Variants in ALB observed in about 807,000 individuals in gnomAD.
ALB encodes serum albumin.
A neutral mutation model predicts 74.5 loss-of-function variants in ALB; 37 were observed. That is an observed-to-expected ratio of 0.50 (90% CI 0.38 to 0.65). The LOEUF (loss-of-function observed/expected upper bound fraction) is 0.65, where lower values mean the gene tolerates loss of function less well. ALB is among the 30% of genes least tolerant of loss of function. The pLI, the probability that ALB is intolerant of heterozygous loss-of-function variation, is 0.00. For synonymous variants in ALB, 249 were observed against 251.6 expected (o/e 0.99, Z 0.10); for missense variants, 685 against 718.7 (o/e 0.95, Z 0.54).
intron 7 of ALB, 143 bp downstream of exon 7, chr4:73,412,268 C>A (rs1718897376): frequency 2.9e-6 from 3 of 1,038,356 alleles, no homozygotes; most frequent in Non-Finnish European, 4.4e-6. Flanking sequence ...TCTTTCCCTG[C>A]CTATGGTGGT....
intron 11 of ALB, 100 bp downstream of exon 11, chr4:73,417,769 GTGTGCATGTT>G: frequency 8.6e-7 from 1 of 1,160,840 alleles, no homozygotes; most frequent in Non-Finnish European, 1.2e-6. Context: ...TAATGTGTGT[GTGTGCATGTT>G]TGTGTGCATG....
At chr4:73,419,874 G>A (rs1719103524) in intron 13 of ALB, among the ~76,000 whole-genome samples, 1 of 152,076 alleles carries the variant, frequency 6.6e-6, no homozygotes, top group Admixed American at 6.6e-5. Flanking sequence ...AATTTGTGAT[G>A]CTTATGAATA....
intron 9 of ALB, among the ~76,000 whole-genome samples, chr4:73,415,637 C>T (rs1718995215): frequency 6.6e-6 from 1 of 152,028 alleles, no homozygotes; most frequent in African/African-American, 2.4e-5. Flanking sequence ...GAAATCTGTT[C>T]TGGAGGATTT....
rs1263892388 is a variant in ALB, at chr4:73,417,659, C to A, written c.1418C>A (p.Ala473Glu). 3.1e-6 allele frequency: 5 copies of A among 1,611,870 alleles called. No homozygotes were observed. The highest frequency in any genetic ancestry group is 1.6e-4 in the Middle Eastern group (1 of 6,076). Residue 473 changes from alanine (A) to glutamate (E), a missense_variant, in exon 11 of 15, where the codon GCA becomes GAA. By Grantham distance (107) the Ala-to-Glu change is moderately radical. Coordinates refer to ENST00000295897, the MANE Select transcript of ALB (RefSeq NM_000477.7). Reference sequence around the variant, plus strand: ...CCTGAAGCAAAAAGAATGCCCTGTGCAGAAGACTATGTGAGTCTTTAAAAA... The same window carrying A: ...CCTGAAGCAAAAAGAATGCCCTGTGAAGAAGACTATGTGAGTCTTTAAAAA... The part of the protein sequence containing the change: ...KHPEAKRMPC[A>E]EDYLSVVLNQ...
rs760853287 is a variant in ALB at position 73,416,248 on chromosome 4, T to C, written c.1192-8T>C. ...TAATACTATTAACACAATTCTTTTA[T>C]GTTTCAGTTCGATGAATTTAAACCT... On this transcript the variant is annotated splice_polypyrimidine_tract_variant and splice_region_variant and intron_variant, in intron 9 of 14. Coordinates refer to ENST00000295897, the MANE Select transcript of ALB (RefSeq NM_000477.7). 7 of 1,610,050 alleles carry C rather than the reference T, an allele frequency of 4.3e-6. No homozygotes were observed. The highest frequency in any genetic ancestry group is 1.7e-5 in the Admixed American group (1 of 59,934).
intron 11 of ALB, 110 bp from the exon 12 acceptor site, chr4:73,417,978 A>G (rs1416773922): frequency 9.8e-7 from 1 of 1,021,498 alleles, no homozygotes; most frequent in South Asian, 1.4e-5. Flanking sequence ...CCTCCCAAGT[A>G]GCTGGGACTA....
intron 12 of ALB, 154 bp from the exon 13 acceptor site, chr4:73,419,352 AT>A: frequency 1.3e-6 from 1 of 742,754 alleles, no homozygotes; most frequent in South Asian, 1.9e-5. Context: ...ATTGAGACTT[AT>A]AGCGGTATGC....
chr4:73,406,516 G>A (rs980562151), intron 2 of ALB, 113 bp from the exon 3 acceptor site: 15 of 1,036,850 alleles, frequency 1.4e-5, no homozygotes, highest in Non-Finnish European at 2.2e-5. Context: ...TAATGGTGAA[G>A]AAGATGTATA....
chr4:73,413,114 A>T (rs1032211109), intron 7 of ALB: 9 of 307,286 alleles, frequency 2.9e-5, no homozygotes, highest in African/African-American at 1.7e-4. Flanking sequence ...ATTTTGGGGG[A>T]TTATTTGGAA....
At position 73,404,384 on chromosome 4, in the gene ALB, G is replaced by T. The variant is rs978356536; in HGVS notation, c.57G>T (p.Arg19Ser). Residue 19 changes from arginine (R) to serine (S), a missense_variant, in exon 1 of 15, where the codon AGG becomes AGT. Coordinates refer to ENST00000295897, the MANE Select transcript of ALB (RefSeq NM_000477.7). ...TTCTCTTTAGCTCGGCTTATTCCAG[G>T]GGTGTGTTTCGTCGAGATGCACGTA... Reference protein sequence around the residue: ...LLFLFSSAYSRGVFRRDAHKS... With the variant: ...LLFLFSSAYSSGVFRRDAHKS... 6.2e-7 allele frequency: 1 copy of T among 1,613,534 alleles called. No individual in the cohort carries two copies. The highest frequency in any genetic ancestry group is 1.7e-5 in the Admixed American group (1 of 59,992).
chr4:73,419,695 T>G, intron 13 of ALB, 56 bp downstream of exon 13: 1 of 1,597,744 alleles, frequency 6.3e-7, no homozygotes. Context: ...CATGTTTGGT[T>G]AGGCTAGGGC....
intron 12 of ALB, 72 bp downstream of exon 12, chr4:73,418,383 T>A (rs979903623): frequency 1.5e-6 from 2 of 1,371,464 alleles, no homozygotes; most frequent in African/African-American, 2.8e-5. Flanking sequence ...GCTAGCAACT[T>A]TTTCCTGAAG....
chr4:73,415,114 A>G lies in ALB; in HGVS notation c.1138A>G (p.Thr380Ala), dbSNP rs746887729. The G allele has an allele frequency of 3.1e-6, 5 of 1,614,128 alleles. No individual in the cohort carries two copies. The highest frequency in any genetic ancestry group is 4.5e-5 in the East Asian group (2 of 44,878). ...LLRLAKTYET[T>A]LEKCCAAADP... ...GAGACTTGCCAAGACATATGAAACC[A>G]CTCTAGAGAAGTGCTGTGCCGCTGC... The change falls in exon 9 of 15, where the codon ACT (threonine) becomes GCT (alanine). Residue 380 changes from threonine (T) to alanine (A), a missense_variant. By Grantham distance (58) the Thr-to-Ala change is moderately conservative. Coordinates refer to ENST00000295897, the MANE Select transcript of ALB (RefSeq NM_000477.7).
chr4:73,413,786 A>G, intron 8 of ALB, 152 bp downstream of exon 8: 1 of 742,986 alleles, frequency 1.3e-6, no homozygotes, highest in East Asian at 2.7e-5. Flanking sequence ...CAATTTTTGA[A>G]ATAGTTAATT....
At chr4:73,406,092 AC>A in intron 2 of ALB, among the ~76,000 whole-genome samples, 1 of 152,106 alleles carries the variant, frequency 6.6e-6, no homozygotes, top group Admixed American at 6.5e-5. Context: ...TTTAAAAAAA[AC>A]AAAACAAACA....
intron 5 of ALB, 109 bp from the exon 6 acceptor site, chr4:73,410,203 T>A (rs1718836172): frequency 2.4e-6 from 2 of 838,472 alleles, no homozygotes; most frequent in East Asian, 4.9e-5. Context: ...AATTTAGGCA[T>A]AAATTATGCC....
intron 9 of ALB, among the ~76,000 whole-genome samples, 160 bp from the exon 10 acceptor site, chr4:73,416,096 A>G (rs986623629): frequency 1.3e-5 from 2 of 152,190 alleles, no homozygotes; most frequent in Non-Finnish European, 2.9e-5. Context: ...CACCAAATAA[A>G]TAGTTCGAAT....
At chr4:73,419,351 T>C in intron 12 of ALB, 156 bp from the exon 13 acceptor site, 2 of 738,752 alleles carry the variant, frequency 2.7e-6, no homozygotes, top group Non-Finnish European at 4.3e-6. Flanking sequence ...TATTGAGACT[T>C]ATAGCGGTAT....
At chr4:73,405,032 A>G in intron 1 of ALB, 84 bp from the exon 2 acceptor site, 1 of 1,345,674 alleles carries the variant, frequency 7.4e-7, no homozygotes. Context: ...ATCTAAGTCA[A>G]ATGGAAAGAA....
Sources: gnomAD v4.1 joint callset for allele counts (sites outside exome capture counted in the v4.1 genomes callset) on GRCh38, gnomAD v4.1.1 for gene constraint, MANE v1.5 for transcripts, NCBI Gene and HGNC (gene_info 2026-07-23, HGNC 2026-07-21) for gene names.